The following SH3GL3 variants were observed in gnomAD, a reference collection of about 807,000 sequenced individuals.
The protein encoded by SH3GL3 is endophilin-A3.
SH3GL3 carries 33 observed loss-of-function variants against 47.7 expected under a neutral mutation model. That is an observed-to-expected ratio of 0.69 (90% CI 0.52 to 0.92). SH3GL3 has a LOEUF of 0.92. Among genes scored for constraint, SH3GL3 ranks in the 40% least tolerant of loss-of-function variants. The pLI, the probability that SH3GL3 is intolerant of heterozygous loss-of-function variation, is 0.00. For missense variants in SH3GL3, 363 were observed against 417.8 expected (o/e 0.87, Z 1.14); for synonymous variants, 155 against 148.8 (o/e 1.04, Z -0.30).
intron 1 of SH3GL3, among the ~76,000 whole-genome samples, chr15:83,494,338 T>C (rs2041996128): frequency 1.3e-5 from 2 of 152,156 alleles, no homozygotes; most frequent in African/African-American, 4.8e-5. Flanking sequence ...TGAAGATCTT[T>C]TATATTTGGC....
chr15:83,460,575 T>G (rs976047509), intron 1 of SH3GL3, among the ~76,000 whole-genome samples: 2 of 152,192 alleles, frequency 1.3e-5, no homozygotes, highest in Admixed American at 6.5e-5. Flanking sequence ...AGAACTTTCA[T>G]GTTTTATTAA....
chr15:83,551,836 T>C (rs1186386296), intron 1 of SH3GL3, among the ~76,000 whole-genome samples: 1 of 152,240 alleles, frequency 6.6e-6, no homozygotes, highest in East Asian at 1.9e-4. Context: ...TATTATTTAG[T>C]ATGTTGAATG....
chr15:83,606,559 C>T (rs1012650946), intron 8 of SH3GL3, among the ~76,000 whole-genome samples: 2 of 152,174 alleles, frequency 1.3e-5, no homozygotes, highest in Non-Finnish European at 2.9e-5. Context: ...TTCCTTCCTC[C>T]TCTTTTCTTC....
chr15:83,623,968 G>A, the SH3GL3 span, among the ~76,000 whole-genome samples: 1 of 152,080 alleles, frequency 6.6e-6, no homozygotes, highest in Non-Finnish European at 1.5e-5. Context: ...TGTATTTTTA[G>A]TGGAGACGGG....
At chr15:83,524,170 G>A (rs1196394236) in intron 1 of SH3GL3, among the ~76,000 whole-genome samples, 1 of 152,194 alleles carries the variant, frequency 6.6e-6, no homozygotes, top group Non-Finnish European at 1.5e-5. Flanking sequence ...AGCCCTGCAA[G>A]TTTTTATTTG....
At chr15:83,482,520 T>C (rs1596071221) in intron 1 of SH3GL3, among the ~76,000 whole-genome samples, 1 of 151,790 alleles carries the variant, frequency 6.6e-6, no homozygotes, top group African/African-American at 2.4e-5. Flanking sequence ...TGATTCAAAG[T>C]GTCGCTCTTG....
intron 1 of SH3GL3, among the ~76,000 whole-genome samples, chr15:83,552,390 T>C (rs2044708470): frequency 6.6e-6 from 1 of 152,260 alleles, no homozygotes; most frequent in African/African-American, 2.4e-5. Context: ...TATTGGGGTT[T>C]TCTTTTTAAT....
rs547272251 is a variant in SH3GL3, at chr15:83,474,741, C to T, written c.45+27163C>T. Among the ~76,000 whole-genome samples, 58 of 152,258 alleles carry T rather than the reference C, an allele frequency of 3.8e-4. 3 individuals carry two copies. Among genetic ancestry groups the T allele is most frequent in the Non-Finnish European group, 1.2e-4 (8 of 68,028 alleles). On this transcript the variant is annotated intron_variant, in intron 1 of 8. Transcript: ENST00000427482. ...GGGAGGCAGATTGGGTAGTAATGAA[C>T]TGAGCGCTTGCCCATGTGCTGTTGT...
the SH3GL3 span, among the ~76,000 whole-genome samples, chr15:83,624,412 C>T: frequency 3.9e-5 from 6 of 152,124 alleles, no homozygotes; most frequent in Non-Finnish European, 8.8e-5. Flanking sequence ...TCCTACTTGA[C>T]GCAGGTGAAA....
At chr15:83,520,431 G>C (rs543062701) in intron 1 of SH3GL3, among the ~76,000 whole-genome samples, 5 of 152,316 alleles carry the variant, frequency 3.3e-5, no homozygotes, top group African/African-American at 1.2e-4. Flanking sequence ...TTAGTAATTT[G>C]CGTGTGGTGA....
chr15:83,621,291 A>G (rs573267129), downstream of SH3GL3, among the ~76,000 whole-genome samples: 1 of 152,328 alleles, frequency 6.6e-6, no homozygotes, highest in African/African-American at 2.4e-5. Flanking sequence ...TCCCTCACTA[A>G]GCTTAATCAT....
intron 1 of SH3GL3, among the ~76,000 whole-genome samples, chr15:83,541,510 T>C (rs1432339879): frequency 1.3e-5 from 2 of 151,834 alleles, no homozygotes; most frequent in Non-Finnish European, 2.9e-5. Flanking sequence ...ATTTTTTGTA[T>C]TTTTAGTAGA....
intron 1 of SH3GL3, among the ~76,000 whole-genome samples, chr15:83,456,710 G>A (rs956485943): frequency 6.8e-6 from 1 of 147,466 alleles, no homozygotes; most frequent in Non-Finnish European, 1.5e-5. Context: ...CCACTGTCTG[G>A]CACTCCCTAG....
At chr15:83,579,731 C>T (rs1352130150) in intron 6 of SH3GL3, among the ~76,000 whole-genome samples, 3 of 151,860 alleles carry the variant, frequency 2.0e-5, no homozygotes, top group Non-Finnish European at 4.4e-5. Flanking sequence ...TTTTCTCCTA[C>T]CCAGGTTTAT....
intron 1 of SH3GL3, among the ~76,000 whole-genome samples, chr15:83,557,652 G>A (rs1001842173): frequency 6.6e-6 from 1 of 152,208 alleles, no homozygotes; most frequent in African/African-American, 2.4e-5. Context: ...GTACCTTGGT[G>A]GGTGTCTGGG....
chr15:83,516,705 G>C (rs2637980), intron 1 of SH3GL3, among the ~76,000 whole-genome samples: 126,679 of 152,008 alleles, frequency 0.83, 52,933 homozygotes, highest in South Asian at 0.9. Flanking sequence ...CATGAGGGGT[G>C]TGCCTCATGA....
At chr15:83,561,237 GA>G (rs562272640) in intron 2 of SH3GL3, among the ~76,000 whole-genome samples, 2 of 150,560 alleles carry the variant, frequency 1.3e-5, no homozygotes, top group East Asian at 3.9e-4. Flanking sequence ...CTAGGTTATA[GA>G]AAAAAAAACT....
At chr15:83,588,311 C>T (rs1238610707) in intron 7 of SH3GL3, among the ~76,000 whole-genome samples, 4 of 151,890 alleles carry the variant, frequency 2.6e-5, no homozygotes, top group African/African-American at 9.7e-5. Flanking sequence ...TTGTATTTTT[C>T]GTAGAGATGG....
intron 8 of SH3GL3, among the ~76,000 whole-genome samples, chr15:83,596,940 C>T (rs1476313500): frequency 6.6e-6 from 1 of 152,070 alleles, no homozygotes; most frequent in Non-Finnish European, 1.5e-5. Flanking sequence ...CCTCTGAGGA[C>T]ATTTCACCTT....
Sources: gnomAD v4.1 joint callset for allele counts (sites outside exome capture counted in the v4.1 genomes callset) on GRCh38, gnomAD v4.1.1 for gene constraint, MANE v1.5 for transcripts, NCBI Gene and HGNC (gene_info 2026-07-23, HGNC 2026-07-21) for gene names.